Variants in HCN2 observed in about 807,000 individuals in gnomAD.
The protein encoded by HCN2 is potassium/sodium hyperpolarization-activated cyclic nucleotide-gated channel 2.
HCN2 carries 20 observed loss-of-function variants against 52.3 expected under a neutral mutation model. The observed-to-expected ratio is 0.38, with a 90% CI of 0.27 to 0.56. HCN2 has a LOEUF of 0.56. Among genes scored for constraint, HCN2 ranks in the 20% least tolerant of loss-of-function variants. HCN2 has a pLI of 0.71. For synonymous variants in HCN2, 694 were observed against 537.0 expected (o/e 1.29, Z -4.04); for missense variants, 981 against 1,207.7 (o/e 0.81, Z 2.78).
intron 7 of HCN2, among the ~76,000 whole-genome samples, chr19:615,416 A>C (rs1983853634): frequency 6.6e-6 from 1 of 152,058 alleles, no homozygotes; most frequent in African/African-American, 2.4e-5. Flanking sequence ...CGGGAGGATG[A>C]GGCAGGAGAA....
chr19:613,830 C>G (rs539619894), intron 6 of HCN2, 22 bp from the exon 7 acceptor site: 14 of 1,520,422 alleles, frequency 9.2e-6, no homozygotes, highest in African/African-American at 2.9e-5. Flanking sequence ...TCCAGCAACC[C>G]CCCCCTGCGC....
At position 610,255 on chromosome 19, in the gene HCN2, A is replaced by C; in HGVS notation, c.1438-4A>C. On this transcript the variant is annotated splice_polypyrimidine_tract_variant and splice_region_variant and intron_variant, in intron 4 of 7. Transcript: ENST00000251287. ...TCTGACCCAGCCTCGCCTCCTCCCC[A>C]CAGTACAAGCAGGTGGAGCAGTACA... 2 of 1,612,692 alleles carry C rather than the reference A, an allele frequency of 1.2e-6. No homozygotes were observed. The highest frequency in any genetic ancestry group is 1.7e-6 in the Non-Finnish European group (2 of 1,179,426).
intron 1 of HCN2, among the ~76,000 whole-genome samples, chr19:598,697 G>A (rs1983110839): frequency 6.6e-6 from 1 of 152,210 alleles, no homozygotes. Context: ...CGCCTCCCGG[G>A]TTCATGCCGT....
intron 3 of HCN2, among the ~76,000 whole-genome samples, chr19:607,518 C>T (rs914714239): frequency 6.6e-6 from 1 of 152,252 alleles, no homozygotes; most frequent in Non-Finnish European, 1.5e-5. Flanking sequence ...ATTTCCTGAA[C>T]AGAGCCCCGC....
chr19:597,077 G>A (rs1364719828), intron 1 of HCN2, among the ~76,000 whole-genome samples: 1 of 152,336 alleles, frequency 6.6e-6, no homozygotes, highest in East Asian at 1.9e-4. Flanking sequence ...CTGCTTGGAG[G>A]CATTGTGGTT....
rs765113822 is a variant in HCN2 at position 613,235 on chromosome 19, C to T, written c.1585-13C>T. The T allele has an allele frequency of 5.6e-6, 9 of 1,606,972 alleles. No individual in the cohort carries two copies. Among genetic ancestry groups the T allele is most frequent in the South Asian group, 1.1e-5 (1 of 90,434 alleles). On this transcript the variant is annotated splice_polypyrimidine_tract_variant and intron_variant, in intron 5 of 7. Transcript: ENST00000251287. ...GGGTCCGCAGCGGACCCAGCCCTGC[C>T]TCCCCCCTGCAGGAGATCGTCAACT...
At chr19:595,572 A>G (rs1379960891) in intron 1 of HCN2, among the ~76,000 whole-genome samples, 4 of 151,258 alleles carry the variant, frequency 2.6e-5, no homozygotes, top group Non-Finnish European at 1.5e-5. Context: ...ATCCACCCAC[A>G]CGCCACCTCC....
chr19:609,217 G>A lies in HCN2; in HGVS notation c.1437+1035G>A, dbSNP rs532960654. On this transcript the variant is annotated intron_variant, in intron 4 of 7. Coordinates refer to ENST00000251287, the MANE Select transcript of HCN2 (RefSeq NM_001194.4). ...CGCTGAGCTCAGGGCAGCTGCGGCC[G>A]GGCGGGGCTGGGGCGGAAGTGAGGC... is the stretch of plus-strand genomic sequence containing the variant. Among the ~76,000 whole-genome samples, 37 of 152,326 alleles carry A rather than the reference G, an allele frequency of 2.4e-4. No individual in the cohort carries two copies. The South Asian group carries it at 6.4e-3, about 26-fold the overall frequency.
rs1984006999 is a variant in HCN2, at chr19:617,134, G to GCAATAAACGACAGCATT, written c.*661_*677dup. 2.0e-6 allele frequency: 1 copy of GCAATAAACGACAGCATT among 494,648 alleles called. No individual in the cohort carries two copies. Among genetic ancestry groups the GCAATAAACGACAGCATT allele is most frequent in the Admixed American group, 2.5e-5 (1 of 40,278 alleles). The allele number at this position is 494,648 out of a possible 1,614,324, so 30.6% of individuals were successfully genotyped here. ...ATTAACCCCCACACCCCCATTCCGC[G>GCAATAAACGACAGCATT]CAATAAACGACAGCATTGGCGCCAA... On this transcript the variant is annotated 3_prime_UTR_variant, in exon 8 of 8. Coordinates refer to ENST00000251287, the MANE Select transcript of HCN2 (RefSeq NM_001194.4).
intron 4 of HCN2, 27 bp downstream of exon 4, chr19:608,209 G>A: frequency 6.3e-7 from 1 of 1,597,306 alleles, no homozygotes; most frequent in Non-Finnish European, 8.6e-7. Flanking sequence ...CCCCGGCCTG[G>A]GTTCTGATGG....
Position 603,992 on chromosome 19 carries a change from A to G in HCN2, c.1056+25A>G, listed in dbSNP as rs1038893637. On this transcript the variant is annotated intron_variant, in intron 2 of 7. Coordinates refer to ENST00000251287, the MANE Select transcript of HCN2 (RefSeq NM_001194.4). ...GGTGAGGTGGGGCGGGGGCGGGGCCAAGGCAGCAGGGGCGGGGCTATAATG... is the reference window on the plus strand; with the variant it reads ...GGTGAGGTGGGGCGGGGGCGGGGCCGAGGCAGCAGGGGCGGGGCTATAATG... 3.9e-6 allele frequency: 6 copies of G among 1,546,084 alleles called. No homozygotes were observed. The African/African-American group carries it at 5.5e-5, about 14-fold the overall frequency.
chr19:616,168 G>A lies in HCN2; in HGVS notation c.2364G>A (p.Arg788=). 1 of 962,370 alleles carries A rather than the reference G, an allele frequency of 1.0e-6. No individual in the cohort carries two copies. The highest frequency in any genetic ancestry group is 1.8e-5 in the African/African-American group (1 of 54,614). The allele number at this position is 962,370 out of a possible 1,614,324, so 59.6% of individuals were successfully genotyped here. ...CCCCGGGCGCGCCCGCCAGCCCCCG[G>A]GCACCGCGGACCTCGCCCTACGGCG... ...ASPPGAPASP[R]APRTSPYGGL... Residue 788 remains arginine, a synonymous_variant, in exon 8 of 8, where the codon CGG becomes CGA. Transcript: ENST00000251287.
intron 5 of HCN2, 144 bp downstream of exon 5, chr19:610,549 C>G: frequency 1.6e-5 from 11 of 682,206 alleles, no homozygotes; most frequent in Non-Finnish European, 2.7e-5. Context: ...CGTACACACC[C>G]TCCCCTCCCC....
At chr19:610,178 TC>T in intron 4 of HCN2, 80 bp from the exon 5 acceptor site, 1 of 1,514,298 alleles carries the variant, frequency 6.6e-7, no homozygotes, top group Non-Finnish European at 9.0e-7. Context: ...CAGCCTCGCC[TC>T]CCCACAGTAC....
At chr19:612,156 A>C (rs1315929963) in intron 5 of HCN2, among the ~76,000 whole-genome samples, 23 of 152,034 alleles carry the variant, frequency 1.5e-4, no homozygotes, top group African/African-American at 5.3e-4. Flanking sequence ...AAAAAAAAAA[A>C]AGTACCAAAA....
Position 611,253 on chromosome 19 carries a change from G to A in HCN2, c.1584+848G>A, listed in dbSNP as rs146593740. Among the ~76,000 whole-genome samples the A allele has an allele frequency of 9.8e-4, 150 of 152,366 alleles. 3 individuals carry two copies. In the East Asian group the frequency reaches 0.021, roughly 21 times the overall value. On this transcript the variant is annotated intron_variant, in intron 5 of 7. Coordinates refer to ENST00000251287, the MANE Select transcript of HCN2 (RefSeq NM_001194.4). ...CAAACAGTTATTGAGCGCCGACTGC[G>A]TGCCCTGCCGTGTGCTTGAAGGTCC...
At chr19:600,727 T>C (rs1317648178) in intron 1 of HCN2, among the ~76,000 whole-genome samples, 2 of 152,110 alleles carry the variant, frequency 1.3e-5, no homozygotes, top group African/African-American at 4.8e-5. Context: ...GTGATCCGCC[T>C]GCCTTGGCCT....
intron 2 of HCN2, among the ~76,000 whole-genome samples, chr19:604,781 AGCTGTG>A (rs1983356773): frequency 1.4e-5 from 1 of 71,938 alleles, no homozygotes; most frequent in African/African-American, 4.8e-5. Flanking sequence ...AGGGGTGGGG[AGCTGTG>A]GATTTGGGGG....
Position 616,900 on chromosome 19 carries a change from C to G in HCN2, c.*426C>G, listed in dbSNP as rs1484181683. ...TGGCCCGCCGGCTTCCCGCTGCCCC[C>G]ATCGCGCTCACGCAATAACCGGCCC... On this transcript the variant is annotated 3_prime_UTR_variant, in exon 8 of 8. Transcript: ENST00000251287. 26 of 312,588 alleles carry G rather than the reference C, an allele frequency of 8.3e-5. No homozygotes were observed. Among genetic ancestry groups the G allele is most frequent in the Non-Finnish European group, 1.4e-4 (24 of 166,146 alleles). The allele number at this position is 312,588 out of a possible 1,614,324, so 19.4% of individuals were successfully genotyped here.
Sources: gnomAD v4.1 joint callset for allele counts (sites outside exome capture counted in the v4.1 genomes callset) on GRCh38, gnomAD v4.1.1 for gene constraint, MANE v1.5 for transcripts, NCBI Gene and HGNC (gene_info 2026-07-23, HGNC 2026-07-21) for gene names.